DCBLD2: variants seen among roughly 807,000 people sequenced by gnomAD.
The protein encoded by DCBLD2 is discoidin, CUB and LCCL domain containing 2.
In DCBLD2, 54 loss-of-function variants were observed where a neutral mutation model predicts 86.8. The observed-to-expected ratio is 0.62, with a 90% CI of 0.50 to 0.78. The LOEUF is 0.78. Ranked by LOEUF, DCBLD2 falls within the 30% of genes least tolerant of loss-of-function variation. The pLI, the probability that DCBLD2 is intolerant of heterozygous loss-of-function variation, is 0.00. For synonymous variants in DCBLD2, 354 were observed against 341.3 expected (o/e 1.04, Z -0.41); for missense variants, 908 against 954.2 (o/e 0.95, Z 0.64).
At chr3:98,870,763 A>G (rs1943258549) in intron 2 of DCBLD2, among the ~76,000 whole-genome samples, 1 of 135,898 alleles carries the variant, frequency 7.4e-6, no homozygotes, top group Non-Finnish European at 1.6e-5. Context: ...GAAAGAAAGA[A>G]AGAAAGAAAG....
At chr3:98,804,089 T>G (rs1318028656) in intron 13 of DCBLD2, among the ~76,000 whole-genome samples, 2 of 152,234 alleles carry the variant, frequency 1.3e-5, no homozygotes, top group Admixed American at 1.3e-4. Context: ...TTCCCTCTTT[T>G]TCTATTGATT....
intron 13 of DCBLD2, chr3:98,805,020 C>T (rs1283971188): frequency 6.6e-6 from 1 of 152,274 alleles, no homozygotes; most frequent in Non-Finnish European, 1.5e-5. Flanking sequence ...CATCCTTGCA[C>T]AGGGGCCATG....
chr3:98,838,164 C>T (rs1389585266), intron 3 of DCBLD2, among the ~76,000 whole-genome samples: 296 of 122,792 alleles, frequency 2.4e-3, no homozygotes, highest in Non-Finnish European at 4.0e-3. Flanking sequence ...CCACCTCCCT[C>T]CCGGACGGGG....
intron 2 of DCBLD2, among the ~76,000 whole-genome samples, chr3:98,859,656 T>C (rs1026023828): frequency 1.3e-5 from 2 of 152,180 alleles, no homozygotes; most frequent in Admixed American, 6.5e-5. Flanking sequence ...AGACCTCAGC[T>C]GAGGGCTATG....
intron 2 of DCBLD2, among the ~76,000 whole-genome samples, chr3:98,861,533 A>G (rs1171839849): frequency 6.6e-6 from 1 of 152,262 alleles, no homozygotes; most frequent in Non-Finnish European, 1.5e-5. Flanking sequence ...TGTCTCTCAG[A>G]CCACAGTGCA....
Position 98,901,190 on chromosome 3 carries a change from G to C in DCBLD2, c.137C>G (p.Ser46Cys), listed in dbSNP as rs1240194247. Residue 46 changes from serine to cysteine, a missense_variant, in exon 1 of 16, where the codon TCC becomes TGC. Physicochemically the swap from Ser to Cys is moderately radical, Grantham distance 112. Transcript: ENST00000326840. Reference sequence around the variant, plus strand: ...TAAGAGCAGGAGGAACAGAGGCATGGAGAAGGAGGAGGAGTTGGAGCAGGG... The same window carrying C: ...TAAGAGCAGGAGGAACAGAGGCATGCAGAAGGAGGAGGAGTTGGAGCAGGG... ...LPPCSNSSSF[S>C]MPLFLLLLLV... 3 of 1,537,118 alleles carry C rather than the reference G, an allele frequency of 2.0e-6. No individual in the cohort carries two copies. Among genetic ancestry groups the C allele is most frequent in the Non-Finnish European group, 2.6e-6 (3 of 1,146,678 alleles).
intron 1 of DCBLD2, among the ~76,000 whole-genome samples, chr3:98,892,336 G>A (rs995751451): frequency 6.6e-6 from 1 of 152,058 alleles, no homozygotes; most frequent in East Asian, 1.9e-4. Flanking sequence ...CTTTCTCCTA[G>A]AAGAGGATGC....
Position 98,849,542 on chromosome 3 carries a change from C to T in DCBLD2, c.490G>A (p.Glu164Lys), listed in dbSNP as rs1313847468. ...CCACTCATGAACAGCAATGTGATTT[C>T]ATTGCCTTTTGATTCAATTGAATGG... ...MNHSIESKGN[E>K]ITLLFMSGIH... Residue 164 changes from glutamate to lysine, a missense_variant, in exon 3 of 16, where the codon GAA becomes AAA. Physicochemically the swap from Glu to Lys is moderately conservative, Grantham distance 56. Around this residue, in one of 3 missense-constraint regions of DCBLD2, gnomAD observed 294 missense variants for 256.0 expected, o/e 1.15. Transcript: ENST00000326840. The T allele has an allele frequency of 6.2e-7, 1 of 1,613,898 alleles. No individual in the cohort carries two copies. Among genetic ancestry groups the T allele is most frequent in the Admixed American group, 1.7e-5 (1 of 60,030 alleles).
intron 12 of DCBLD2, among the ~76,000 whole-genome samples, chr3:98,808,869 T>G (rs1367895934): frequency 1.3e-5 from 2 of 152,178 alleles, no homozygotes; most frequent in Non-Finnish European, 2.9e-5. Context: ...AGATGCATCC[T>G]TAAAGATGTT....
intron 3 of DCBLD2, among the ~76,000 whole-genome samples, chr3:98,838,820 G>T (rs975915305): frequency 2.0e-5 from 3 of 152,144 alleles, no homozygotes; most frequent in East Asian, 3.9e-4. Flanking sequence ...TGAGGTTGGC[G>T]GATCACTCGC....
chr3:98,799,200 C>T lies in DCBLD2; in HGVS notation c.*172G>A, dbSNP rs993377973. The T allele has an allele frequency of 3.1e-6, 2 of 655,444 alleles. No homozygotes were observed. Among genetic ancestry groups the T allele is most frequent in the Non-Finnish European group, 5.0e-6 (2 of 398,264 alleles). 40.6% of individuals were successfully genotyped at this position (655,444 alleles called of 1,614,324 possible). On this transcript the variant is annotated 3_prime_UTR_variant, in exon 16 of 16. Coordinates refer to ENST00000326840, the MANE Select transcript of DCBLD2 (RefSeq NM_080927.4). ...GCGAGCAGTAACTGTGCCACCATAA[C>T]ACCTTAAAGCAAGATGGCAAGATTA...
chr3:98,836,871 G>A (rs1942470583), intron 3 of DCBLD2, among the ~76,000 whole-genome samples: 1 of 59,810 alleles, frequency 1.7e-5, no homozygotes, highest in Admixed American at 1.5e-4. Flanking sequence ...CGGGCGGGGG[G>A]CCGACACCCC....
chr3:98,838,853 C>T (rs538475189), intron 3 of DCBLD2, among the ~76,000 whole-genome samples: 4 of 151,942 alleles, frequency 2.6e-5, no homozygotes, highest in African/African-American at 4.8e-5. Context: ...GAGACCGGCC[C>T]GGCCAACACA....
At chr3:98,830,683 T>C (rs191090295) in intron 3 of DCBLD2, among the ~76,000 whole-genome samples, 93 of 152,360 alleles carry the variant, frequency 6.1e-4, no homozygotes, top group African/African-American at 1.5e-3. Flanking sequence ...CTCCTGCAGC[T>C]TTTTTCTTTT....
rs1553731671 is a variant in DCBLD2 at position 98,870,753 on chromosome 3, G to GAAAGA, written c.433+10782_433+10786dup. Among the ~76,000 whole-genome samples, 45 of 125,788 alleles carry GAAAGA rather than the reference G, an allele frequency of 3.6e-4. 1 individual carries two copies. Among genetic ancestry groups the GAAAGA allele is most frequent in the African/African-American group, 9.1e-4 (27 of 29,718 alleles). 82.5% of individuals were successfully genotyped at this position (125,788 alleles called of 152,430 possible). A position where few individuals can be genotyped will look rare whatever the true frequency, so the allele number is the denominator to read the frequency against. On this transcript the variant is annotated intron_variant, in intron 2 of 15. Transcript: ENST00000326840. ...AAAGAAAGAAAAAGAAAGAAAGAAA[G>GAAAGA]AAAGAAAGAAAGAAAGAAAGAAAGA...
At chr3:98,811,138 TCAGTTAAGAA>T (rs2107434880) in intron 12 of DCBLD2, 46 bp downstream of exon 12, 3 of 1,460,816 alleles carry the variant, frequency 2.1e-6, no homozygotes, top group Middle Eastern at 1.8e-4. Context: ...CGTGAAAACT[TCAGTTAAGAA>T]CAAAACAATA....
chr3:98,826,627 C>T (rs1942227212), intron 3 of DCBLD2, among the ~76,000 whole-genome samples: 1 of 152,108 alleles, frequency 6.6e-6, no homozygotes, highest in Non-Finnish European at 1.5e-5. Context: ...AAGCCTAGTC[C>T]CCGGACAGAG....
intron 1 of DCBLD2, among the ~76,000 whole-genome samples, chr3:98,891,945 T>G (rs1488928465): frequency 1.3e-5 from 2 of 152,162 alleles, no homozygotes; most frequent in Non-Finnish European, 2.9e-5. Flanking sequence ...CAGGTTACCA[T>G]ACCAACCTAT....
intron 3 of DCBLD2, among the ~76,000 whole-genome samples, chr3:98,833,305 T>C (rs1234945205): frequency 6.6e-6 from 1 of 152,236 alleles, no homozygotes; most frequent in African/African-American, 2.4e-5. Context: ...TTTTTTGCAC[T>C]GGCTATTTTA....
Sources: gnomAD v4.1 joint callset for allele counts (sites outside exome capture counted in the v4.1 genomes callset) on GRCh38, gnomAD v4.1.1 for gene constraint, gnomAD v4.1.1 regional missense constraint, MANE v1.5 for transcripts, NCBI Gene and HGNC (gene_info 2026-07-23, HGNC 2026-07-21) for gene names.